The following AKNA variants were observed in gnomAD, a reference collection of about 807,000 sequenced individuals.
The protein encoded by AKNA is AT-hook transcription factor, also known as microtubule organization protein AKNA.
A neutral mutation model predicts 138.8 loss-of-function variants in AKNA; 67 were observed. The ratio of observed to expected loss-of-function variants is 0.48; its 90% CI spans 0.40 to 0.59. The LOEUF (loss-of-function observed/expected upper bound fraction) is 0.59, where lower values mean the gene tolerates loss of function less well. AKNA is among the 20% of genes least tolerant of loss of function. AKNA has a pLI of 0.00. For missense variants in AKNA, 1,813 were observed against 1,880.4 expected, an observed-to-expected ratio of 0.96 and a Z score of 0.66; for synonymous variants, 737 against 754.4, an observed-to-expected ratio of 0.98 and a Z score of 0.38.
At chr9:114,398,276 G>C (rs1167018595), upstream of AKNA, among the ~76,000 whole-genome samples, 2 of 152,158 alleles carry the variant, frequency 1.3e-5, no homozygotes, top group African/African-American at 4.8e-5. This position sits in a 1 kb window ranked among gnomAD's most constrained non-coding sequence, Gnocchi z 4.2. Context: ...CCCCGTGCGC[G>C]TGGGGTTTCC....
chr9:114,364,591 G>A lies in AKNA; in HGVS notation c.1757C>T (p.Ala586Val). The change falls in exon 7 of 22, where the codon GCA (alanine) becomes GTA (valine). Residue 586 changes from alanine (A) to valine (V), a missense_variant. Ala to Val is a moderately conservative substitution (Grantham distance 64). Transcript: ENST00000374088. ...TTGGTCCTGGGGCATGAGACGTCCT[G>A]CCTGTATCAGTCTTTCAAAGGACTC... ...KVESFERLIQ[A>V]GRLMPQDQVK... is the part of the protein sequence containing the mutation. The A allele has an allele frequency of 7.4e-6, 12 of 1,613,956 alleles. No individual in the cohort carries two copies. The highest frequency in any genetic ancestry group is 1.0e-5 in the Non-Finnish European group (12 of 1,180,026).
At chr9:114,378,241 C>T (rs1460586361) in intron 2 of AKNA, among the ~76,000 whole-genome samples, 1 of 152,192 alleles carries the variant, frequency 6.6e-6, no homozygotes, top group Non-Finnish European at 1.5e-5. Context: ...GGATTCTCTC[C>T]CCTCCTTGGC....
At chr9:114,383,656 G>T (rs1408597169) in intron 1 of AKNA, among the ~76,000 whole-genome samples, 2 of 152,192 alleles carry the variant, frequency 1.3e-5, no homozygotes, top group African/African-American at 4.8e-5. Flanking sequence ...ATGACTCCAG[G>T]CCTCCCAGGA....
chr9:114,386,416 T>C (rs1834035022), intron 1 of AKNA, among the ~76,000 whole-genome samples: 1 of 152,036 alleles, frequency 6.6e-6, no homozygotes, highest in Non-Finnish European at 1.5e-5. Flanking sequence ...GGTCTGAAAG[T>C]ATGGCCTGAC....
intron 4 of AKNA, among the ~76,000 whole-genome samples, chr9:114,372,962 A>AGCG (rs1554842036): frequency 8.2e-4 from 2 of 2,438 alleles, no homozygotes; most frequent in Non-Finnish European, 1.7e-3. Context: ...GTGGGGACGC[A>AGCG]GCGGGGGGGG....
chr9:114,364,027 C>CT (rs1047116653), intron 7 of AKNA, among the ~76,000 whole-genome samples: 9 of 151,752 alleles, frequency 5.9e-5, no homozygotes, highest in Admixed American at 2.0e-4. Flanking sequence ...CCAGCCCCCA[C>CT]TTTTTTTAAC....
At position 114,381,446 on chromosome 9, in the gene AKNA, CCT is replaced by C. The variant is rs1833668319; in HGVS notation, c.-113-2_-113-1del. ...TCAGCATCGGCCATCCTGCCTGTGCCCTGTCAGGGACACATTCAAGAGAGAAC... is the reference window on the plus strand; with the variant it reads ...TCAGCATCGGCCATCCTGCCTGTGCCGTCAGGGACACATTCAAGAGAGAAC... On this transcript the variant is annotated splice_acceptor_variant, in intron 1 of 21. Coordinates refer to ENST00000374088, the MANE Select transcript of AKNA (RefSeq NM_001317950.2). LOFTEE classifies it low-confidence loss of function (5UTR_SPLICE). The C allele has an allele frequency of 7.0e-7, 1 of 1,434,172 alleles. No individual in the cohort carries two copies. The highest frequency in any genetic ancestry group is 9.1e-7 in the Non-Finnish European group (1 of 1,098,470). 88.8% of individuals were successfully genotyped at this position (1,434,172 alleles called of 1,614,324 possible). A position where few individuals can be genotyped will look rare whatever the true frequency, so the allele number is the denominator to read the frequency against.
intron 2 of AKNA, 117 bp from the exon 3 acceptor site, chr9:114,377,649 G>C: frequency 9.6e-7 from 1 of 1,046,024 alleles, no homozygotes; most frequent in East Asian, 2.6e-5. Context: ...GGGATGGAAA[G>C]AATCCCAAGG....
downstream of AKNA, chr9:114,331,872 A>C (rs1339960105): frequency 1.2e-6 from 2 of 1,613,864 alleles, no homozygotes; most frequent in Non-Finnish European, 1.7e-6. Context: ...AGTTCTACGA[A>C]GCTCTCGACT....
chr9:114,346,405 C>G (rs1243324320), intron 17 of AKNA, among the ~76,000 whole-genome samples: 3 of 152,244 alleles, frequency 2.0e-5, no homozygotes, highest in African/African-American at 7.2e-5. Context: ...GCGCCCTTAT[C>G]TGTGAAATGT....
chr9:114,397,476 C>T (rs1458464753), upstream of AKNA, among the ~76,000 whole-genome samples: 4 of 152,240 alleles, frequency 2.6e-5, no homozygotes, highest in Admixed American at 6.5e-5. Flanking sequence ...CTCAGCTTCT[C>T]TCTGCTCCAA....
chr9:114,395,055 G>A (rs1005197500), upstream of AKNA, among the ~76,000 whole-genome samples: 1 of 152,202 alleles, frequency 6.6e-6, no homozygotes, highest in Admixed American at 6.5e-5. Context: ...GAGTTCGCCT[G>A]ACATTTGGCA....
intron 1 of AKNA, among the ~76,000 whole-genome samples, chr9:114,383,958 A>G (rs1402551887): frequency 6.6e-6 from 1 of 152,104 alleles, no homozygotes; most frequent in Admixed American, 6.5e-5. Flanking sequence ...AATTTCCTCC[A>G]GATCACCCTG....
chr9:114,377,681 G>A (rs1833345712), intron 2 of AKNA, 149 bp from the exon 3 acceptor site: 2 of 809,204 alleles, frequency 2.5e-6, no homozygotes, highest in Admixed American at 3.1e-5. Context: ...TTAGCCAAGT[G>A]CTTGTCTGAT....
intron 4 of AKNA, among the ~76,000 whole-genome samples, chr9:114,373,567 A>G (rs1832950676): frequency 6.6e-6 from 1 of 152,138 alleles, no homozygotes; most frequent in Non-Finnish European, 1.5e-5. Flanking sequence ...GAACCCATCT[A>G]GAAGGAGAGA....
At chr9:114,388,169 C>T (rs575504887), upstream of AKNA, 27 of 212,486 alleles carry the variant, frequency 1.3e-4, no homozygotes, top group South Asian at 1.3e-3. Flanking sequence ...GCAAGCCCTC[C>T]GCAGTCAGCG....
intron 6 of AKNA, among the ~76,000 whole-genome samples, chr9:114,366,749 A>G (rs979464536): frequency 6.6e-6 from 1 of 150,510 alleles, no homozygotes; most frequent in Non-Finnish European, 1.5e-5. Flanking sequence ...AGGAGAGGAG[A>G]GGAGGGAAGG....
chr9:114,344,071 C>T (rs1473250649), intron 18 of AKNA: 1 of 335,604 alleles, frequency 3.0e-6, no homozygotes, highest in Non-Finnish European at 5.5e-6. Context: ...TCTGTTTCAT[C>T]TCAGATCCTA....
At chr9:114,343,239 C>G (rs1471803387) in intron 19 of AKNA, among the ~76,000 whole-genome samples, 1 of 152,182 alleles carries the variant, frequency 6.6e-6, no homozygotes, top group African/African-American at 2.4e-5. Context: ...ACCATCTCTT[C>G]CAATCCTTTC....
Sources: gnomAD v4.1 joint callset for allele counts (sites outside exome capture counted in the v4.1 genomes callset) on GRCh38, gnomAD v4.1.1 for gene constraint, Gnocchi (gnomAD v3.1) non-coding constraint, MANE v1.5 for transcripts, NCBI Gene and HGNC (gene_info 2026-07-23, HGNC 2026-07-21) for gene names.